Variants in ARHGAP11A observed in about 807,000 individuals in gnomAD.
ARHGAP11A encodes rho GTPase-activating protein 11A.
A neutral mutation model predicts 60.5 loss-of-function variants in ARHGAP11A; 36 were observed. That is an observed-to-expected ratio of 0.59 (90% confidence interval 0.46 to 0.79). The LOEUF is 0.79. Ranked by LOEUF, ARHGAP11A falls within the 30% of genes least tolerant of loss-of-function variation. The probability of loss-of-function intolerance (pLI) is 0.00; values close to 1 mark genes in which losing one functional copy is unlikely to be tolerated. For synonymous variants in ARHGAP11A, 362 were observed against 415.5 expected (o/e 0.87, Z 1.57); for missense variants, 1,071 against 1,199.2 (o/e 0.89, Z 1.58).
At chr15:32,631,888 C>T (rs1254890763) in intron 8 of ARHGAP11A, among the ~76,000 whole-genome samples, 1 of 152,122 alleles carries the variant, frequency 6.6e-6, no homozygotes, top group Non-Finnish European at 1.5e-5. Context: ...GTTGGCCAGG[C>T]TGGTTTGAAC....
intron 6 of ARHGAP11A, among the ~76,000 whole-genome samples, chr15:32,627,811 C>CTTTTT (rs369719619): frequency 7.4e-6 from 1 of 135,764 alleles, no homozygotes; most frequent in South Asian, 2.3e-4. Flanking sequence ...TTAAGGCTCA[C>CTTTTT]TTTTTTTTTT....
At chr15:32,622,372 C>G (rs1403654788) in intron 2 of ARHGAP11A, among the ~76,000 whole-genome samples, 1 of 152,096 alleles carries the variant, frequency 6.6e-6, no homozygotes, top group Non-Finnish European at 1.5e-5. Context: ...GAGCAGTGAT[C>G]GCACCACTCC....
rs770397595 is a variant in ARHGAP11A, at chr15:32,628,817, T to C, written c.937+15T>C. ...AGAAAGAATTGGTAGGTATTTATTA[T>C]ATGCATTTATTTAAATTAAAATTTG... On this transcript the variant is annotated intron_variant, in intron 7 of 11. Coordinates refer to ENST00000361627, the MANE Select transcript of ARHGAP11A (RefSeq NM_014783.6). 1 of 1,504,428 alleles carries C rather than the reference T, an allele frequency of 6.6e-7. No homozygotes were observed. The allele number at this position is 1,504,428 out of a possible 1,614,324, so 93.2% of individuals were successfully genotyped here.
rs776121009 is a variant in ARHGAP11A at position 32,635,762 on chromosome 15, T to C, written c.1345-15T>C. On this transcript the variant is annotated splice_polypyrimidine_tract_variant and intron_variant, in intron 10 of 11. Coordinates refer to ENST00000361627, the MANE Select transcript of ARHGAP11A (RefSeq NM_014783.6). ...AGGCTTATTTCTTAACTAAAACTTT[T>C]TTTTTTCTGTACAGAATGGATGTTC... 34 of 1,486,558 alleles carry C rather than the reference T, an allele frequency of 2.3e-5. 2 individuals carry two copies. The South Asian group carries it at 4.5e-4, about 20-fold the overall frequency. The allele number at this position is 1,486,558 out of a possible 1,614,324, so 92.1% of individuals were successfully genotyped here.
rs1247957341 is a variant in ARHGAP11A at position 32,637,408 on chromosome 15, G to A, written c.2635G>A (p.Ala879Thr). The change falls in exon 12 of 12, where the codon GCT becomes ACT. Residue 879 changes from alanine (A) to threonine (T), a missense_variant. Physicochemically the swap from Ala to Thr is moderately conservative, Grantham distance 58. Around this residue, in one of 4 missense-constraint regions of ARHGAP11A, gnomAD observed 776 missense variants for 760.2 expected, o/e 1.02. Coordinates refer to ENST00000361627, the MANE Select transcript of ARHGAP11A (RefSeq NM_014783.6). Reference sequence around the variant, plus strand: ...GGTCAAATCAGTGAGCTGTGACGGTGCTCTTTCCTCTTGTATAGAAAGTGC... The same window carrying A: ...GGTCAAATCAGTGAGCTGTGACGGTACTCTTTCCTCTTGTATAGAAAGTGC... ...PLVKSVSCDGALSSCIESASK... is the reference protein window; with the variant it reads ...PLVKSVSCDGTLSSCIESASK... 1.2e-6 allele frequency: 2 copies of A among 1,614,152 alleles called. No individual in the cohort carries two copies. Among genetic ancestry groups the A allele is most frequent in the Non-Finnish European group, 1.7e-6 (2 of 1,180,028 alleles).
At chr15:32,625,731 G>T (rs952259981) in intron 6 of ARHGAP11A, 98 bp downstream of exon 6, 1 of 1,292,782 alleles carries the variant, frequency 7.7e-7, no homozygotes, top group Non-Finnish European at 1.1e-6. Flanking sequence ...TGCCTTTTTG[G>T]TGCTTAAAGC....
At chr15:32,632,864 C>T (rs1017427401) in intron 8 of ARHGAP11A, 115 bp from the exon 9 acceptor site, 9 of 953,826 alleles carry the variant, frequency 9.4e-6, no homozygotes, top group Admixed American at 2.7e-5. Flanking sequence ...TAAGTGATTT[C>T]GGTTGTTGCT....
upstream of ARHGAP11A, chr15:32,615,155 C>T (rs1436708769): frequency 6.6e-6 from 1 of 152,088 alleles, no homozygotes; most frequent in African/African-American, 2.4e-5. Flanking sequence ...AGAACGGTTT[C>T]TTCATAAGAG....
In ARHGAP11A at chr15:32,637,002, G is replaced by A. The variant is rs1344384732; in HGVS notation, c.2229G>A (p.Met743Ile). ...ATAAATTAAAAGAGAATGAGAATAT[G>A]ATGGAAGGTAACTTACCGAAGTGTG... ...LNNKLKENEN[M>I]MEGNLPKCAA... The change falls in exon 12 of 12, where the codon ATG (methionine) becomes ATA (isoleucine). Residue 743 changes from methionine (M) to isoleucine (I), a missense_variant. Physicochemically the swap from Met to Ile is conservative, Grantham distance 10. Transcript: ENST00000361627. 5 of 1,611,940 alleles carry A rather than the reference G, an allele frequency of 3.1e-6. No individual in the cohort carries two copies. The highest frequency in any genetic ancestry group is 4.2e-6 in the Non-Finnish European group (5 of 1,179,490).
At chr15:32,619,803 T>C (rs2140442152) in intron 1 of ARHGAP11A, among the ~76,000 whole-genome samples, 1 of 152,222 alleles carries the variant, frequency 6.6e-6, no homozygotes, top group South Asian at 2.1e-4. Context: ...GTTTTAAGAA[T>C]TTACTGACTA....
chr15:32,622,172 A>C (rs2053345707), intron 2 of ARHGAP11A, among the ~76,000 whole-genome samples: 1 of 152,310 alleles, frequency 6.6e-6, no homozygotes, highest in Admixed American at 6.5e-5. Context: ...TTATGCCAGC[A>C]CTTAGGGAGG....
In ARHGAP11A at chr15:32,615,523, T is replaced by C. The variant is rs146710288; in HGVS notation, c.-689T>C. ...GGGTGTGACCCCCCCGTGGTGGCTC[T>C]GGGTGTCTGCGGAGGAGCTGGGGGC... On this transcript the variant is annotated 5_prime_UTR_variant, in exon 1 of 12. Coordinates refer to ENST00000361627, the MANE Select transcript of ARHGAP11A (RefSeq NM_014783.6). 0.01 allele frequency: 1,528 copies of C among 151,170 alleles called. 48 individuals are homozygous for C. The highest frequency in any genetic ancestry group is 0.017 in the Middle Eastern group (5 of 288). The allele number at this position is 151,170 out of a possible 1,614,324, so 9.4% of individuals were successfully genotyped here. A position where few individuals can be genotyped will look rare whatever the true frequency, so the allele number is the denominator to read the frequency against.
chr15:32,635,525 CAG>C (rs2053683574), intron 10 of ARHGAP11A, among the ~76,000 whole-genome samples: 1 of 152,082 alleles, frequency 6.6e-6, no homozygotes, highest in African/African-American at 2.4e-5. Context: ...AGAGCACACA[CAG>C]AAATTATTTT....
chr15:32,634,350 G>A (rs2053656513), intron 10 of ARHGAP11A, among the ~76,000 whole-genome samples: 1 of 152,106 alleles, frequency 6.6e-6, no homozygotes, highest in African/African-American at 2.4e-5. Context: ...ATTTTTGGGG[G>A]GGATTTTGGA....
At position 32,616,257 on chromosome 15, in the gene ARHGAP11A, C is replaced by T. The variant is rs1434496368; in HGVS notation, c.46C>T (p.Arg16Trp). 9.9e-6 allele frequency: 16 copies of T among 1,613,942 alleles called. No individual in the cohort carries two copies. Among genetic ancestry groups the T allele is most frequent in the East Asian group, 2.2e-5 (1 of 44,890 alleles). The change falls in exon 1 of 12, where the codon CGG (arginine) becomes TGG (tryptophan). Residue 16 changes from arginine to tryptophan, a missense_variant. By Grantham distance (101) the Arg-to-Trp change is moderately radical. Coordinates refer to ENST00000361627, the MANE Select transcript of ARHGAP11A (RefSeq NM_014783.6). Reference protein sequence around the residue: ...LVRLALLQHLRAFYGIKVKGV... With the variant: ...LVRLALLQHLWAFYGIKVKGV... ...GAGGTTGGCCCTGTTGCAGCATCTG[C>T]GGGCCTTCTATGGTATTAAGGTGAA... is the stretch of plus-strand genomic sequence containing the variant.
intron 1 of ARHGAP11A, among the ~76,000 whole-genome samples, chr15:32,618,752 G>C (rs1456091603): frequency 7.9e-6 from 1 of 126,638 alleles, no homozygotes; most frequent in Non-Finnish European, 1.6e-5. Flanking sequence ...TAGCTAACAC[G>C]GTGAAACCCC....
At chr15:32,633,370 G>T (rs1200732504) in intron 9 of ARHGAP11A, among the ~76,000 whole-genome samples, 1 of 152,140 alleles carries the variant, frequency 6.6e-6, no homozygotes, top group Non-Finnish European at 1.5e-5. Flanking sequence ...GCTGGGCACG[G>T]TGGCTTATGC....
chr15:32,620,938 G>T (rs535395946), intron 2 of ARHGAP11A, among the ~76,000 whole-genome samples: 13 of 152,106 alleles, frequency 8.5e-5, no homozygotes, highest in Admixed American at 1.3e-4. Context: ...GGGCAAGGTG[G>T]TGTGCACCTG....
intron 11 of ARHGAP11A, 111 bp downstream of exon 11, chr15:32,636,026 T>C: frequency 7.1e-7 from 1 of 1,409,594 alleles, no homozygotes; most frequent in Non-Finnish European, 9.3e-7. Flanking sequence ...AAAGTTCATG[T>C]TTGAATAGTG....
Sources: allele counts gnomAD v4.1 joint callset (sites outside exome capture counted in the v4.1 genomes callset), GRCh38; gene constraint gnomAD v4.1.1; regional missense constraint gnomAD v4.1.1; transcripts MANE v1.5; gene names NCBI Gene and HGNC (gene_info 2026-07-23, HGNC 2026-07-21).